Variants in HS6ST3 observed in about 807,000 individuals in gnomAD.
HS6ST3 encodes heparan sulfate 6-O-sulfotransferase 3.
In HS6ST3, 12 loss-of-function variants were observed where a neutral mutation model predicts 36.7. The observed-to-expected ratio is 0.33, with a 90% CI of 0.21 to 0.53. HS6ST3 has a LOEUF of 0.53. HS6ST3 is among the 20% of genes least tolerant of loss of function. The pLI is 0.95. For missense variants in HS6ST3, 584 were observed against 640.9 expected (o/e 0.91, Z 0.96); for synonymous variants, 240 against 257.5 (o/e 0.93, Z 0.65).
intron 1 of HS6ST3, among the ~76,000 whole-genome samples, chr13:96,489,935 T>G (rs1331295063): frequency 6.6e-6 from 1 of 152,122 alleles, no homozygotes; most frequent in Non-Finnish European, 1.5e-5. Flanking sequence ...TTCCTTCTTA[T>G]GTGCAAAAAT....
chr13:96,475,397 G>C (rs1475394016), intron 1 of HS6ST3, among the ~76,000 whole-genome samples: 1 of 152,016 alleles, frequency 6.6e-6, no homozygotes, highest in Non-Finnish European at 1.5e-5. Flanking sequence ...TTTCCTGAAG[G>C]CTTTGGGCAC....
intron 1 of HS6ST3, among the ~76,000 whole-genome samples, chr13:96,699,664 C>A (rs1475820854): frequency 1.3e-5 from 2 of 152,162 alleles, no homozygotes; most frequent in African/African-American, 4.8e-5. Context: ...ACTAGTTCAA[C>A]CATTGTGGAA....
chr13:96,431,362 C>T (rs909831909), intron 1 of HS6ST3, among the ~76,000 whole-genome samples: 1 of 152,160 alleles, frequency 6.6e-6, no homozygotes, highest in Non-Finnish European at 1.5e-5. Context: ...CTCCAAATCT[C>T]ATTGTCAGTC....
intron 1 of HS6ST3, among the ~76,000 whole-genome samples, chr13:96,440,489 G>A (rs751966352): frequency 4.3e-4 from 62 of 142,568 alleles, no homozygotes; most frequent in Middle Eastern, 3.6e-3. Context: ...GGGGAGGGGA[G>A]AGGAGAAAGG....
intron 1 of HS6ST3, among the ~76,000 whole-genome samples, chr13:96,128,205 G>A (rs151094364): frequency 2.0e-5 from 3 of 152,284 alleles, no homozygotes; most frequent in East Asian, 1.9e-4. Flanking sequence ...GATGACCTAC[G>A]GGTGGGATCA....
rs961365478 is a variant in HS6ST3, at chr13:96,782,866, C to A, written c.708-49624C>A. 7.9e-5 allele frequency among the ~76,000 whole-genome samples: 12 copies of A among 152,146 alleles called. 1 individual carries two copies. In the South Asian group the frequency reaches 2.1e-3, roughly 26 times the overall value. On this transcript the variant is annotated intron_variant, in intron 1 of 1. Coordinates refer to ENST00000376705, the MANE Select transcript of HS6ST3 (RefSeq NM_153456.4). ...GAAAAGCCTCCTCCTCCCAGAAATA[C>A]CTCAAGTGGGAAATTCTGGATCTGT...
intron 1 of HS6ST3, among the ~76,000 whole-genome samples, chr13:96,619,712 G>A (rs2056487285): frequency 6.6e-6 from 1 of 152,204 alleles, no homozygotes; most frequent in Admixed American, 6.5e-5. Flanking sequence ...ATTGGTTTCA[G>A]CTATCTCATT....
Position 96,535,557 on chromosome 13 carries a change from CA to C in HS6ST3, c.708-296914del, listed in dbSNP as rs5805976. On this transcript the variant is annotated intron_variant, in intron 1 of 1. Transcript: ENST00000376705. ...TGGGCGACAGAGCGAGACTCTGTTT[CA>C]AAAAAAAAAAAAAAAAAATTGGAGA... 9.6e-3 allele frequency among the ~76,000 whole-genome samples: 1,200 copies of C among 125,184 alleles called. 12 individuals are homozygous for C. Among genetic ancestry groups the C allele is most frequent in the Middle Eastern group, 0.026 (6 of 230 alleles). The allele number at this position is 125,184 out of a possible 152,430, so 82.1% of individuals were successfully genotyped here.
rs541803823 is a variant in HS6ST3, at chr13:96,252,972, A to G, written c.707+161403A>G. ...AACCTCTTTTCTTTATATTAAATAAATTACCCAGTCTCAGGTATTTCTTTA... is the reference window on the plus strand; with the variant it reads ...AACCTCTTTTCTTTATATTAAATAAGTTACCCAGTCTCAGGTATTTCTTTA... On this transcript the variant is annotated intron_variant, in intron 1 of 1. Coordinates refer to ENST00000376705, the MANE Select transcript of HS6ST3 (RefSeq NM_153456.4). 5.9e-5 allele frequency among the ~76,000 whole-genome samples: 9 copies of G among 152,298 alleles called. No homozygotes were observed. In the East Asian group the frequency reaches 1.4e-3, roughly 23 times the overall value.
At chr13:96,388,460 G>A (rs1300195474) in intron 1 of HS6ST3, among the ~76,000 whole-genome samples, 4 of 152,184 alleles carry the variant, frequency 2.6e-5, no homozygotes, top group African/African-American at 7.2e-5. Context: ...TGATTTCATA[G>A]GCTTCTGCAA....
At chr13:96,314,967 T>C (rs1200407488) in intron 1 of HS6ST3, among the ~76,000 whole-genome samples, 1 of 152,100 alleles carries the variant, frequency 6.6e-6, no homozygotes, top group East Asian at 1.9e-4. Context: ...TATACCAATA[T>C]CAACAAAGCA....
At chr13:96,559,479 G>T (rs1200416469) in intron 1 of HS6ST3, among the ~76,000 whole-genome samples, 1 of 152,030 alleles carries the variant, frequency 6.6e-6, no homozygotes, top group Non-Finnish European at 1.5e-5. Context: ...CTCTTTCCCA[G>T]CCTAGTTTAT....
chr13:96,571,228 T>C (rs961129032), intron 1 of HS6ST3, among the ~76,000 whole-genome samples: 2 of 152,234 alleles, frequency 1.3e-5, no homozygotes, highest in African/African-American at 2.4e-5. Flanking sequence ...TGCTTATTGA[T>C]CAGTTATTTG....
In HS6ST3 at chr13:96,317,747, A is replaced by G. The variant is rs565228840; in HGVS notation, c.707+226178A>G. Among the ~76,000 whole-genome samples, 44 of 151,294 alleles carry G rather than the reference A, an allele frequency of 2.9e-4. No individual in the cohort carries two copies. The South Asian group carries it at 8.8e-3, about 30-fold the overall frequency. ...CTGTTTTTTTTTTTTACTTTTTGTA[A>G]TAGCCGTTCTGACTGGTGTGAGATG... On this transcript the variant is annotated intron_variant, in intron 1 of 1. Coordinates refer to ENST00000376705, the MANE Select transcript of HS6ST3 (RefSeq NM_153456.4).
chr13:96,519,452 T>G (rs2056084977), intron 1 of HS6ST3, among the ~76,000 whole-genome samples: 2 of 152,186 alleles, frequency 1.3e-5, no homozygotes, highest in African/African-American at 2.4e-5. Flanking sequence ...AACCTACCAC[T>G]GGGGAAGAGA....
intron 1 of HS6ST3, among the ~76,000 whole-genome samples, chr13:96,266,760 A>G (rs1362657911): frequency 1.3e-5 from 2 of 152,198 alleles, no homozygotes; most frequent in African/African-American, 2.4e-5. Context: ...TCTTTCATTC[A>G]TGCAACAAGT....
In HS6ST3 at chr13:96,327,354, G is replaced by C. The variant is rs563171039; in HGVS notation, c.707+235785G>C. On this transcript the variant is annotated intron_variant, in intron 1 of 1. Transcript: ENST00000376705. ...TTTAATCCATCTTCAATTGATTTTT[G>C]TATAAGGTGTAAGGAAGGGATCCAG... Among the ~76,000 whole-genome samples, 366 of 152,090 alleles carry C rather than the reference G, an allele frequency of 2.4e-3. 7 individuals carry two copies. The highest frequency in any genetic ancestry group is 8.5e-3 in the African/African-American group (351 of 41,442).
intron 1 of HS6ST3, among the ~76,000 whole-genome samples, chr13:96,767,264 G>A (rs972001559): frequency 1.3e-5 from 2 of 152,134 alleles, no homozygotes; most frequent in African/African-American, 4.8e-5. Flanking sequence ...AACACAATGT[G>A]ACTAACTTAG....
At chr13:96,150,497 A>G (rs1019942765) in intron 1 of HS6ST3, among the ~76,000 whole-genome samples, 3 of 152,132 alleles carry the variant, frequency 2.0e-5, no homozygotes, top group Non-Finnish European at 2.9e-5. Context: ...GTCTCCTTTC[A>G]TATCAGTAGA....
Sources: gnomAD v4.1 joint callset for allele counts (sites outside exome capture counted in the v4.1 genomes callset) on GRCh38, gnomAD v4.1.1 for gene constraint, MANE v1.5 for transcripts, NCBI Gene and HGNC (gene_info 2026-07-23, HGNC 2026-07-21) for gene names.